NCAPD3: variants seen among roughly 807,000 people sequenced by gnomAD.
NCAPD3 encodes non-SMC condensin II complex subunit D3, also known as condensin-2 complex subunit D3.
Under a neutral mutation model 182.9 loss-of-function variants are expected in NCAPD3, and 105 were observed. The ratio of observed to expected loss-of-function variants is 0.57; its 90% CI spans 0.49 to 0.68. The LOEUF (loss-of-function observed/expected upper bound fraction) is 0.68, where lower values mean the gene tolerates loss of function less well. NCAPD3 is among the 30% of genes least tolerant of loss of function. The pLI is 0.00. For missense variants in NCAPD3, 1,944 were observed against 1,837.0 expected (o/e 1.06, Z -1.07); for synonymous variants, 815 against 679.9 (o/e 1.20, Z -3.09).
chr11:134,205,365 A>T (rs987572509), intron 8 of NCAPD3, among the ~76,000 whole-genome samples: 1 of 152,000 alleles, frequency 6.6e-6, no homozygotes, highest in African/African-American at 2.4e-5. Flanking sequence ...TCCAAACTTT[A>T]ACCCAATAAG....
intron 7 of NCAPD3, among the ~76,000 whole-genome samples, chr11:134,207,946 A>G (rs1025107559): frequency 6.6e-6 from 1 of 152,248 alleles, no homozygotes; most frequent in African/African-American, 2.4e-5. Context: ...GTTTCTAAAC[A>G]ACAGGCATTG....
At chr11:134,165,310 C>A (rs1013786173) in intron 27 of NCAPD3, among the ~76,000 whole-genome samples, 2 of 150,776 alleles carry the variant, frequency 1.3e-5, no homozygotes, top group African/African-American at 4.9e-5. Flanking sequence ...AAGCTGCACA[C>A]TCACTTGTGA....
intron 16 of NCAPD3, among the ~76,000 whole-genome samples, chr11:134,191,335 G>T (rs369282081): frequency 2.6e-5 from 4 of 151,744 alleles, no homozygotes; most frequent in Non-Finnish European, 5.9e-5. Flanking sequence ...TGTGCAGCAC[G>T]TGAGTTCTGG....
intron 32 of NCAPD3, chr11:134,153,680 C>CACTT (rs1202613210): frequency 9.5e-6 from 4 of 420,678 alleles, no homozygotes; most frequent in African/African-American, 6.0e-5. Flanking sequence ...CGCCCTGTCC[C>CACTT]ACTTACTACA....
Position 134,203,579 on chromosome 11 carries a change from A to C in NCAPD3, c.1468+75T>G, listed in dbSNP as rs1038527950. 3.9e-6 allele frequency: 6 copies of C among 1,551,752 alleles called. No homozygotes were observed. In the African/African-American group the frequency reaches 8.2e-5, roughly 21 times the overall value. On this transcript the variant is annotated intron_variant, in intron 11 of 34. Transcript: ENST00000534548. ...CATACCTATTACTTTTGCCACAGAA[A>C]AGAACGATTCCCTTGCAGTCTATTT...
intron 24 of NCAPD3, among the ~76,000 whole-genome samples, chr11:134,172,864 T>G (rs1461238783): frequency 7.0e-6 from 1 of 143,436 alleles, no homozygotes; most frequent in Non-Finnish European, 1.5e-5. Flanking sequence ...CTACAAAAAA[T>G]AAAACATTAG....
chr11:134,209,028 T>G (rs139117251), intron 6 of NCAPD3, 77 bp from the exon 7 acceptor site: 1 of 1,447,914 alleles, frequency 6.9e-7, no homozygotes, highest in African/African-American at 1.4e-5. Flanking sequence ...AAGCCATGTT[T>G]AAATGAATAA....
At position 134,163,181 on chromosome 11, in the gene NCAPD3, G is replaced by A. The variant is rs1302812517; in HGVS notation, c.3574-1290C>T. On this transcript the variant is annotated intron_variant, in intron 27 of 34. Coordinates refer to ENST00000534548, the MANE Select transcript of NCAPD3 (RefSeq NM_015261.3). ...GGGTTTATTCAGAAGATGACAGGAAGCCACCAGCATAGTTTTTAAAGATTT... is the reference window on the plus strand; with the variant it reads ...GGGTTTATTCAGAAGATGACAGGAAACCACCAGCATAGTTTTTAAAGATTT... Among the ~76,000 whole-genome samples, 3 of 152,106 alleles carry A rather than the reference G, an allele frequency of 2.0e-5. 1 individual carries two copies. The highest frequency in any genetic ancestry group is 2.9e-5 in the Non-Finnish European group (2 of 68,010).
chr11:134,194,618 C>T (rs747670512), intron 14 of NCAPD3, 47 bp downstream of exon 14: 1 of 1,375,200 alleles, frequency 7.3e-7, no homozygotes, highest in Non-Finnish European at 1.0e-6. Flanking sequence ...TTTGCATTTC[C>T]AAGTTTTTAG....
chr11:134,164,800 G>A (rs1276920400), intron 27 of NCAPD3, among the ~76,000 whole-genome samples: 1 of 148,862 alleles, frequency 6.7e-6, no homozygotes, highest in African/African-American at 2.5e-5. Flanking sequence ...ATGAACTTAG[G>A]GGAACTTCAC....
In NCAPD3 at chr11:134,178,853, G is replaced by C. The variant is rs113976446; in HGVS notation, c.2643C>G (p.Ser881=). 6 of 1,614,060 alleles carry C rather than the reference G, an allele frequency of 3.7e-6. No individual in the cohort carries two copies. The East Asian group carries it at 1.1e-4, about 30-fold the overall frequency. The part of the protein sequence containing the change: ...VEKRIFLLIQ[S]VLASSADADH... ...CAGCATCAGCAGACGAAGCCAGGAC[G>C]GACTGAATCAGAAGGAAGATGCGCT... The change falls in exon 21 of 35, where the codon TCC becomes TCG. Residue 881 remains serine (S), a synonymous_variant. Coordinates refer to ENST00000534548, the MANE Select transcript of NCAPD3 (RefSeq NM_015261.3).
intron 27 of NCAPD3, among the ~76,000 whole-genome samples, chr11:134,163,175 C>G (rs922917404): frequency 6.6e-6 from 1 of 152,174 alleles, no homozygotes; most frequent in Non-Finnish European, 1.5e-5. Flanking sequence ...CAGAAGATGA[C>G]AGGAAGCCAC....
intron 16 of NCAPD3, among the ~76,000 whole-genome samples, chr11:134,187,076 C>G (rs1454627110): frequency 6.6e-6 from 1 of 152,162 alleles, no homozygotes; most frequent in African/African-American, 2.4e-5. Context: ...CAACTCCCAG[C>G]CCTCCACTCC....
chr11:134,224,163 T>C, upstream of NCAPD3: 2 of 596,690 alleles, frequency 3.4e-6, no homozygotes, highest in Non-Finnish European at 6.0e-6. Flanking sequence ...GTTCCGCTAA[T>C]TCGTTCGAGA....
intron 3 of NCAPD3, among the ~76,000 whole-genome samples, chr11:134,213,628 TAA>T (rs1010706712): frequency 8.3e-5 from 11 of 133,270 alleles, no homozygotes; most frequent in African/African-American, 8.2e-5. Flanking sequence ...TCGTCTCTCT[TAA>T]AAAAAAAAAA....
intron 29 of NCAPD3, among the ~76,000 whole-genome samples, chr11:134,159,229 C>A (rs758751242): frequency 6.6e-6 from 1 of 152,172 alleles, no homozygotes; most frequent in Non-Finnish European, 1.5e-5. Flanking sequence ...TTTTTTGGAA[C>A]CTCTATACTG....
chr11:134,215,586 G>C (rs554623362), intron 3 of NCAPD3, among the ~76,000 whole-genome samples: 1 of 152,038 alleles, frequency 6.6e-6, no homozygotes, highest in Non-Finnish European at 1.5e-5. Context: ...AATTTTAAAG[G>C]GGAGATGCAA....
intron 11 of NCAPD3, 90 bp from the exon 12 acceptor site, chr11:134,203,288 C>G: frequency 1.0e-6 from 1 of 977,146 alleles, no homozygotes; most frequent in Non-Finnish European, 1.6e-6. Flanking sequence ...GATAATTAGG[C>G]TCAAAGACAA....
At chr11:134,185,062 G>T in intron 17 of NCAPD3, 62 bp from the exon 18 acceptor site, 2 of 1,311,860 alleles carry the variant, frequency 1.5e-6, no homozygotes, top group Non-Finnish European at 2.2e-6. Context: ...GCCAACAAAG[G>T]CCTTTCTTCT....
Sources: allele counts gnomAD v4.1 joint callset (sites outside exome capture counted in the v4.1 genomes callset), GRCh38; gene constraint gnomAD v4.1.1; transcripts MANE v1.5; gene names NCBI Gene and HGNC (gene_info 2026-07-23, HGNC 2026-07-21).